Variants in CNOT10 observed in about 807,000 individuals in gnomAD.
The protein encoded by CNOT10 is CCR4-NOT transcription complex, subunit 10.
Under a neutral mutation model 94.6 loss-of-function variants are expected in CNOT10, and 30 were observed. The observed-to-expected ratio is 0.32, with a 90% CI of 0.24 to 0.43. The LOEUF (loss-of-function observed/expected upper bound fraction) is 0.43. Ranked by LOEUF, CNOT10 falls within the 20% of genes least tolerant of loss-of-function variation. The probability of loss-of-function intolerance (pLI) is 1.00; values close to 1 mark genes in which losing one functional copy is unlikely to be tolerated. For synonymous variants in CNOT10, 289 were observed against 301.6 expected (o/e 0.96, Z 0.43); for missense variants, 759 against 877.2 (o/e 0.87, Z 1.70).
chr3:32,714,298 A>G (rs1172284820), intron 5 of CNOT10, among the ~76,000 whole-genome samples: 1 of 151,966 alleles, frequency 6.6e-6, no homozygotes, highest in African/African-American at 2.4e-5. Flanking sequence ...TTCATATATG[A>G]GCTATTATTT....
intron 13 of CNOT10, chr3:32,753,857 A>G (rs1700073445): frequency 6.7e-7 from 1 of 1,481,624 alleles, no homozygotes; most frequent in African/African-American, 1.4e-5. Context: ...AGGTAAAAGG[A>G]AAGTTGAAAT....
chr3:32,685,650 G>A (rs1049304677), intron 1 of CNOT10, among the ~76,000 whole-genome samples, 168 bp downstream of exon 1: 1 of 152,114 alleles, frequency 6.6e-6, no homozygotes, highest in Admixed American at 6.6e-5. Flanking sequence ...ATGAGTCTTC[G>A]GGCCCCGGGT....
intron 1 of CNOT10, among the ~76,000 whole-genome samples, chr3:32,692,590 C>T (rs1041341502): frequency 2.0e-5 from 3 of 152,106 alleles, no homozygotes; most frequent in Admixed American, 6.6e-5. Context: ...CATCTTTTTC[C>T]ATTTTCAGTT....
chr3:32,687,452 G>GTTTTTTTTTTTGT (rs1696662884), intron 1 of CNOT10, among the ~76,000 whole-genome samples: 3 of 60,430 alleles, frequency 5.0e-5, no homozygotes, highest in Non-Finnish European at 9.2e-5. Flanking sequence ...TTTTTTTTTT[G>GTTTTTTTTTTTGT]TTTTTTTTTT....
At chr3:32,721,804 G>T (rs957762672) in intron 8 of CNOT10, among the ~76,000 whole-genome samples, 1 of 151,252 alleles carries the variant, frequency 6.6e-6, no homozygotes, top group Admixed American at 6.6e-5. Flanking sequence ...CTGCCACCGC[G>T]CCCGGCTAAT....
At chr3:32,701,421 A>C (rs1697340652) in intron 1 of CNOT10, among the ~76,000 whole-genome samples, 1 of 152,128 alleles carries the variant, frequency 6.6e-6, no homozygotes, top group South Asian at 2.1e-4. Flanking sequence ...AAAATAAAAA[A>C]CCAAAAAACA....
chr3:32,732,816 T>C (rs923087655), intron 10 of CNOT10, among the ~76,000 whole-genome samples: 1 of 152,192 alleles, frequency 6.6e-6, no homozygotes. Context: ...TAATACATCT[T>C]AATCAAATAT....
At chr3:32,755,993 G>A (rs1700213005) in intron 13 of CNOT10, among the ~76,000 whole-genome samples, 1 of 151,986 alleles carries the variant, frequency 6.6e-6, no homozygotes, top group Non-Finnish European at 1.5e-5. Flanking sequence ...GTGGGGGTGG[G>A]GACAATATTT....
chr3:32,728,093 T>G (rs1698766257), intron 10 of CNOT10, among the ~76,000 whole-genome samples: 1 of 151,640 alleles, frequency 6.6e-6, no homozygotes, highest in South Asian at 2.1e-4. Flanking sequence ...ACCTCCCGGG[T>G]TCAAGCGATT....
chr3:32,746,891 C>CT (rs1177293708), intron 13 of CNOT10, among the ~76,000 whole-genome samples: 4 of 146,308 alleles, frequency 2.7e-5, no homozygotes, highest in Non-Finnish European at 6.0e-5. Context: ...AATGCTGCTG[C>CT]TGATCTGACA....
intron 1 of CNOT10, among the ~76,000 whole-genome samples, chr3:32,691,862 C>T (rs1375610391): frequency 1.3e-5 from 2 of 151,604 alleles, no homozygotes; most frequent in Admixed American, 6.6e-5. Flanking sequence ...TAGAGACCAG[C>T]GTAGGTAACA....
chr3:32,690,586 G>T (rs1329026238), intron 1 of CNOT10, among the ~76,000 whole-genome samples: 1 of 150,530 alleles, frequency 6.6e-6, no homozygotes. Flanking sequence ...TCGCTCTGTT[G>T]CCCAGGCTGG....
intron 8 of CNOT10, among the ~76,000 whole-genome samples, chr3:32,723,357 A>C (rs1434027981): frequency 6.6e-6 from 1 of 151,354 alleles, no homozygotes; most frequent in African/African-American, 2.4e-5. Flanking sequence ...GCGCCACTGC[A>C]CTCCAGCCTG....
At chr3:32,698,406 ACT>A (rs1265208911) in intron 1 of CNOT10, among the ~76,000 whole-genome samples, 2 of 152,070 alleles carry the variant, frequency 1.3e-5, no homozygotes, top group African/African-American at 4.8e-5. Flanking sequence ...ATAAGTGGTG[ACT>A]CTCAAAAGGG....
At chr3:32,754,489 A>AAAAAAAAAAATATATATAT (rs77878221) in intron 13 of CNOT10, among the ~76,000 whole-genome samples, 1 of 70,212 alleles carries the variant, frequency 1.4e-5, no homozygotes, top group Non-Finnish European at 2.2e-5. Flanking sequence ...AAAAAAAAAA[A>AAAAAAAAAAATATATATAT]ATACATATAT....
intron 14 of CNOT10, among the ~76,000 whole-genome samples, chr3:32,760,985 C>T (rs922150585): frequency 6.6e-6 from 1 of 151,726 alleles, no homozygotes; most frequent in African/African-American, 2.4e-5. Flanking sequence ...GAAAATTAGC[C>T]GGGCATGGGG....
chr3:32,723,837 T>C (rs961718388), intron 8 of CNOT10, among the ~76,000 whole-genome samples: 4 of 152,050 alleles, frequency 2.6e-5, no homozygotes, highest in Non-Finnish European at 5.9e-5. Context: ...TCTCAGCACT[T>C]TGGGAGGTCG....
At chr3:32,728,908 G>A (rs1469389093) in intron 10 of CNOT10, among the ~76,000 whole-genome samples, 1 of 152,118 alleles carries the variant, frequency 6.6e-6, no homozygotes, top group Non-Finnish European at 1.5e-5. Context: ...AGACCATCCT[G>A]GCTAACACAG....
chr3:32,761,211 A>T (rs976467209), intron 14 of CNOT10, among the ~76,000 whole-genome samples: 55 of 152,196 alleles, frequency 3.6e-4, no homozygotes, highest in African/African-American at 1.3e-3. Context: ...TTCTGCAAGA[A>T]AATCTTGTCC....
Sources: gnomAD v4.1 joint callset for allele counts (sites outside exome capture counted in the v4.1 genomes callset) on GRCh38, gnomAD v4.1.1 for gene constraint, MANE v1.5 for transcripts, NCBI Gene and HGNC (gene_info 2026-07-23, HGNC 2026-07-21) for gene names.